PXK: variants seen among roughly 807,000 people sequenced by gnomAD.
PXK encodes the protein PX domain-containing protein kinase-like protein.
A neutral mutation model predicts 84.7 loss-of-function variants in PXK; 35 were observed. The observed-to-expected ratio is 0.41, with a 90% CI of 0.32 to 0.55. The LOEUF is 0.55. PXK is among the 20% of genes least tolerant of loss of function. The pLI, the probability that PXK is intolerant of heterozygous loss-of-function variation, is 0.21. For missense variants in PXK, 634 were observed against 699.7 expected (o/e 0.91, Z 1.06); for synonymous variants, 253 against 260.8 (o/e 0.97, Z 0.29).
At position 58,364,834 on chromosome 3, in the gene PXK, G is replaced by A. The variant is rs112601400; in HGVS notation, c.103-1040G>A. On this transcript the variant is annotated intron_variant, in intron 1 of 17. Coordinates refer to ENST00000356151, the MANE Select transcript of PXK (RefSeq NM_017771.5). The surrounding 1 kb of genome is among the most constrained non-coding windows in gnomAD (Gnocchi z 4.3). Reference sequence around the variant, plus strand: ...TTGTCAAATTGATATATGTAGAATCGTTCACAGCATTCCCTTATCCATTTG... The same window carrying A: ...TTGTCAAATTGATATATGTAGAATCATTCACAGCATTCCCTTATCCATTTG... 0.026 allele frequency among the ~76,000 whole-genome samples: 3,897 copies of A among 152,178 alleles called. 167 individuals are homozygous for A. Among genetic ancestry groups the A allele is most frequent in the African/African-American group, 0.089 (3,700 of 41,484 alleles).
rs377439000 is a variant in PXK, at chr3:58,409,015, G to A, written c.1308+14G>A. 100 of 1,555,386 alleles carry A rather than the reference G, an allele frequency of 6.4e-5. No homozygotes were observed. The African/African-American group carries it at 1.1e-3, about 18-fold the overall frequency. On this transcript the variant is annotated intron_variant, in intron 14 of 17. Transcript: ENST00000356151. This position sits in a 1 kb window ranked among gnomAD's most constrained non-coding sequence, Gnocchi z 4.2. ...GAACAGAAACAGGTAAATTGATAAC[G>A]GTTCCTCTTTGCCTTTTAGTGTCCC...
At chr3:58,369,336 G>T in intron 2 of PXK, 95 bp from the exon 3 acceptor site, 2 of 944,462 alleles carry the variant, frequency 2.1e-6, no homozygotes, top group Non-Finnish European at 1.6e-6. Context: ...CTGAGCTCTA[G>T]AGTGCCAATA....
chr3:58,418,619 T>TG (rs2061353373), intron 17 of PXK, among the ~76,000 whole-genome samples: 1 of 152,228 alleles, frequency 6.6e-6, no homozygotes, highest in Non-Finnish European at 1.5e-5. Flanking sequence ...TTTGAGGCTT[T>TG]TAAAAGACGT....
intron 7 of PXK, among the ~76,000 whole-genome samples, chr3:58,392,669 T>C (rs927843335): frequency 6.6e-6 from 1 of 151,992 alleles, no homozygotes; most frequent in East Asian, 1.9e-4. Context: ...AATTTCTTTT[T>C]TTTTTTTTTC....
intron 1 of PXK, among the ~76,000 whole-genome samples, chr3:58,353,243 C>T (rs560913795): frequency 1.2e-4 from 18 of 152,210 alleles, no homozygotes; most frequent in East Asian, 5.8e-4. Flanking sequence ...GTGATCCGCC[C>T]GCCTCGGCCT....
At chr3:58,354,036 G>A (rs2098007053) in intron 1 of PXK, among the ~76,000 whole-genome samples, 1 of 152,188 alleles carries the variant, frequency 6.6e-6, no homozygotes, top group African/African-American at 2.4e-5. Context: ...GGGGAGAAGT[G>A]AGTTTCGGAG....
At chr3:58,377,222 A>G (rs568844031) in intron 3 of PXK, among the ~76,000 whole-genome samples, 2 of 151,822 alleles carry the variant, frequency 1.3e-5, no homozygotes, top group African/African-American at 2.4e-5. Context: ...TTATCCGCCA[A>G]CCTTTTCATC....
intron 1 of PXK, among the ~76,000 whole-genome samples, chr3:58,345,848 G>A (rs1254925802): frequency 1.3e-5 from 2 of 152,154 alleles, no homozygotes; most frequent in Admixed American, 6.6e-5. Flanking sequence ...AGCCTTTAAC[G>A]TATATATCCT....
intron 2 of PXK, among the ~76,000 whole-genome samples, chr3:58,367,307 C>T (rs1330209114): frequency 6.6e-6 from 1 of 151,698 alleles, no homozygotes; most frequent in African/African-American, 2.4e-5. Context: ...TGCAGTGGCA[C>T]GATCTTCGCT....
intron 1 of PXK, among the ~76,000 whole-genome samples, chr3:58,352,852 G>C (rs76962124): frequency 0.025 from 3,790 of 152,276 alleles, 157 homozygotes; most frequent in African/African-American, 0.087. Flanking sequence ...TCCCACAGCG[G>C]AGAGTGTAGA....
intron 17 of PXK, chr3:58,422,458 T>C: frequency 1.0e-6 from 1 of 985,462 alleles, no homozygotes. Flanking sequence ...TGTCCTTTCG[T>C]TCCATCTGCT....
chr3:58,353,562 G>A lies in PXK; in HGVS notation c.103-12312G>A, dbSNP rs572105736. ...TAATGACTACTTAGCAGAGCAAGGA[G>A]TAATCACTAATTCTAAGTGAAATAT... On this transcript the variant is annotated intron_variant, in intron 1 of 17. Coordinates refer to ENST00000356151, the MANE Select transcript of PXK (RefSeq NM_017771.5). Among the ~76,000 whole-genome samples the A allele has an allele frequency of 2.6e-4, 40 of 152,334 alleles. No homozygotes were observed. The South Asian group carries it at 7.5e-3, about 28-fold the overall frequency.
At chr3:58,339,888 C>T (rs1202301359) in intron 1 of PXK, among the ~76,000 whole-genome samples, 1 of 151,928 alleles carries the variant, frequency 6.6e-6, no homozygotes, top group Non-Finnish European at 1.5e-5. Flanking sequence ...GATCTCGGCT[C>T]ACTGCAACCT....
intron 4 of PXK, 98 bp downstream of exon 4, chr3:58,382,798 G>T: frequency 1.1e-6 from 1 of 907,184 alleles, no homozygotes; most frequent in Non-Finnish European, 1.6e-6. Context: ...CTCAAAATGG[G>T]GATGTGTATA....
In PXK at chr3:58,400,778, T is replaced by G. The variant is rs1449023749; in HGVS notation, c.1181+1401T>G. ...GAAAATATAAAAAATTAGCTGGGCA[T>G]GGTGGCACACTCCTGTAATCCCAGC... On this transcript the variant is annotated intron_variant, in intron 12 of 17. Transcript: ENST00000356151. The surrounding 1 kb of genome is among the most constrained non-coding windows in gnomAD (Gnocchi z 4.0). 6.6e-6 allele frequency among the ~76,000 whole-genome samples: 1 copy of G among 152,038 alleles called. No homozygotes were observed. Among genetic ancestry groups the G allele is most frequent in the African/African-American group, 2.4e-5 (1 of 41,360 alleles).
In PXK at chr3:58,401,220, T is replaced by C. The variant is rs541718070; in HGVS notation, c.1181+1843T>C. Among the ~76,000 whole-genome samples the C allele has an allele frequency of 5.0e-4, 76 of 152,214 alleles. 1 individual carries two copies. The highest frequency in any genetic ancestry group is 2.1e-3 in the East Asian group (11 of 5,174). ...TCAATTAAAATGTGTCCTCTGGAAG[T>C]AAAGAGATGTGTGGCTGAGGGACAG... On this transcript the variant is annotated intron_variant, in intron 12 of 17. Coordinates refer to ENST00000356151, the MANE Select transcript of PXK (RefSeq NM_017771.5). This position sits in a 1 kb window ranked among gnomAD's most constrained non-coding sequence, Gnocchi z 4.4.
Position 58,332,908 on chromosome 3 carries a change from G to C in PXK, c.-81G>C. ...GCGGCGCGTGTTGACAGCGGCGGCG[G>C]TGGAACCGGGCGGGCGGCGGGAGTC... On this transcript the variant is annotated 5_prime_UTR_variant, in exon 1 of 18. Coordinates refer to ENST00000356151, the MANE Select transcript of PXK (RefSeq NM_017771.5). This position sits in a 1 kb window ranked among gnomAD's most constrained non-coding sequence, Gnocchi z 5.6. 1.1e-6 allele frequency: 1 copy of C among 915,710 alleles called. No individual in the cohort carries two copies. The highest frequency in any genetic ancestry group is 3.1e-5 in the South Asian group (1 of 32,396). The allele number at this position is 915,710 out of a possible 1,614,324, so 56.7% of individuals were successfully genotyped here. A position where few individuals can be genotyped will look rare whatever the true frequency, so the allele number is the denominator to read the frequency against.
Position 58,390,020 on chromosome 3 carries a change from A to C in PXK, c.389-562A>C, listed in dbSNP as rs2098608599. On this transcript the variant is annotated intron_variant, in intron 4 of 17. Coordinates refer to ENST00000356151, the MANE Select transcript of PXK (RefSeq NM_017771.5). This position sits in a 1 kb window ranked among gnomAD's most constrained non-coding sequence, Gnocchi z 4.2. ...GTCTCAAAAAAAAAAAAAAAAAAAA[A>C]AAAACAATTTAGCCAGGCGTGATGG... Among the ~76,000 whole-genome samples the C allele has an allele frequency of 6.6e-6, 1 of 151,056 alleles. No homozygotes were observed. The highest frequency in any genetic ancestry group is 2.1e-4 in the South Asian group (1 of 4,766).
At chr3:58,387,743 C>G (rs1348451600) in intron 4 of PXK, among the ~76,000 whole-genome samples, 1 of 152,112 alleles carries the variant, frequency 6.6e-6, no homozygotes, top group Non-Finnish European at 1.5e-5. Context: ...AGAGGACATT[C>G]ACAGGTAATC....
Sources: allele counts gnomAD v4.1 joint callset (sites outside exome capture counted in the v4.1 genomes callset), GRCh38; gene constraint gnomAD v4.1.1; non-coding constraint Gnocchi (gnomAD v3.1); transcripts MANE v1.5; gene names NCBI Gene and HGNC (gene_info 2026-07-23, HGNC 2026-07-21).